The following PPP1R9A variants were observed in gnomAD, a reference collection of about 807,000 sequenced individuals.
PPP1R9A encodes protein phosphatase 1 regulatory subunit 9A.
In PPP1R9A, 59 loss-of-function variants were observed where a neutral mutation model predicts 141.9. That is an observed-to-expected ratio of 0.42 (90% CI 0.34 to 0.52). The LOEUF (loss-of-function observed/expected upper bound fraction) is 0.52. Ranked by LOEUF, PPP1R9A falls within the 20% of genes least tolerant of loss-of-function variation. The pLI, the probability that PPP1R9A is intolerant of heterozygous loss-of-function variation, is 0.10. For synonymous variants in PPP1R9A, 500 were observed against 569.7 expected, an observed-to-expected ratio of 0.88 and a Z score of 1.74; for missense variants, 1,444 against 1,611.9, an observed-to-expected ratio of 0.90 and a Z score of 1.78.
At chr7:94,939,775 T>G (rs1452996217) in intron 2 of PPP1R9A, among the ~76,000 whole-genome samples, 1 of 146,140 alleles carries the variant, frequency 6.8e-6, no homozygotes, top group African/African-American at 2.5e-5. Context: ...ATTATATATA[T>G]ATATATATGT....
chr7:95,081,030 A>C (rs1276339611), intron 2 of PPP1R9A, among the ~76,000 whole-genome samples: 2 of 152,220 alleles, frequency 1.3e-5, no homozygotes, highest in Non-Finnish European at 2.9e-5. Flanking sequence ...GAAAAAGCTC[A>C]AAGACAAAGA....
chr7:94,984,250 T>G (rs533547416), intron 2 of PPP1R9A, among the ~76,000 whole-genome samples: 1 of 152,328 alleles, frequency 6.6e-6, no homozygotes, highest in East Asian at 1.9e-4. Context: ...TTATTGAGGA[T>G]TTTTGCATCA....
chr7:95,274,935 G>A (rs907764446), intron 16 of PPP1R9A, among the ~76,000 whole-genome samples: 2 of 152,080 alleles, frequency 1.3e-5, no homozygotes, highest in African/African-American at 4.8e-5. Flanking sequence ...TTTACATAAG[G>A]TCAGTGTAAG....
intron 3 of PPP1R9A, among the ~76,000 whole-genome samples, chr7:95,117,229 T>A (rs1354661660): frequency 1.3e-5 from 2 of 151,910 alleles, no homozygotes; most frequent in Non-Finnish European, 2.9e-5. Flanking sequence ...GTGCTTTGCC[T>A]GTCCCTAGGA....
intron 2 of PPP1R9A, among the ~76,000 whole-genome samples, chr7:94,963,484 A>G (rs1414815035): frequency 6.6e-6 from 1 of 152,104 alleles, no homozygotes; most frequent in African/African-American, 2.4e-5. Flanking sequence ...GGCAGCTGCT[A>G]ATCATATGTT....
At chr7:95,033,757 A>G (rs982638276) in intron 2 of PPP1R9A, among the ~76,000 whole-genome samples, 1 of 152,012 alleles carries the variant, frequency 6.6e-6, no homozygotes, top group Admixed American at 6.6e-5. Flanking sequence ...CAATATTGTC[A>G]TTGAAAAGTC....
chr7:95,247,791 A>G (rs929504863), intron 9 of PPP1R9A, among the ~76,000 whole-genome samples: 4 of 152,180 alleles, frequency 2.6e-5, no homozygotes, highest in East Asian at 1.9e-4. Flanking sequence ...TTAAAAAGTA[A>G]TATTTTTAAT....
At chr7:95,180,473 G>T (rs2152788707) in intron 5 of PPP1R9A, among the ~76,000 whole-genome samples, 1 of 151,636 alleles carries the variant, frequency 6.6e-6, no homozygotes, top group East Asian at 1.9e-4. Context: ...GCAGTTTTGG[G>T]TTTCATGACC....
intron 2 of PPP1R9A, among the ~76,000 whole-genome samples, chr7:94,996,196 T>G (rs761459219): frequency 2.6e-5 from 4 of 152,130 alleles, no homozygotes; most frequent in Non-Finnish European, 5.9e-5. Flanking sequence ...TAGACCTAAA[T>G]AGATAGCTGA....
chr7:95,084,478 A>G (rs773844668), intron 2 of PPP1R9A, among the ~76,000 whole-genome samples: 33 of 151,930 alleles, frequency 2.2e-4, no homozygotes, highest in Non-Finnish European at 4.7e-4. Context: ...TAAAATTTTA[A>G]TTTTTTTCAT....
chr7:94,975,363 T>G (rs1259605631), intron 2 of PPP1R9A, among the ~76,000 whole-genome samples: 15 of 147,972 alleles, frequency 1.0e-4, no homozygotes, highest in South Asian at 4.3e-4. Flanking sequence ...TTTGTTTTTT[T>G]TTTTTTTTTT....
chr7:95,162,335 A>G (rs1830579063), intron 5 of PPP1R9A, among the ~76,000 whole-genome samples: 1 of 152,158 alleles, frequency 6.6e-6, no homozygotes, highest in Non-Finnish European at 1.5e-5. Flanking sequence ...CATATATTCA[A>G]TTTTCTGTGT....
intron 5 of PPP1R9A, among the ~76,000 whole-genome samples, chr7:95,173,723 A>G (rs1016026845): frequency 2.6e-5 from 4 of 152,084 alleles, no homozygotes; most frequent in African/African-American, 7.2e-5. Context: ...CAAATCACTT[A>G]AAGAGACAGT....
In PPP1R9A at chr7:94,910,638, G is replaced by C. The variant is rs746363411; in HGVS notation, c.525G>C (p.Trp175Cys). ...KAGGSEPQDE[W>C]GGSKSNRGST... The stretch of plus-strand genomic sequence containing the variant: ...GAGGGAGTGAACCTCAGGATGAATG[G>C]GGAGGTTCCAAGTCCAACAGAGGCA... The change falls in exon 2 of 20, where the codon TGG becomes TGC. Residue 175 changes from tryptophan (W) to cysteine (C), a missense_variant. Around this residue, in one of 5 missense-constraint regions of PPP1R9A, gnomAD observed 490 missense variants for 521.1 expected, o/e 0.94. Transcript: ENST00000433360. The surrounding 1 kb of genome is among the most constrained non-coding windows in gnomAD (Gnocchi z 4.5). 6.2e-7 allele frequency: 1 copy of C among 1,614,130 alleles called. No homozygotes were observed. The highest frequency in any genetic ancestry group is 8.5e-7 in the Non-Finnish European group (1 of 1,180,020).
chr7:95,094,879 CAAAAAAAAAA>C (rs1166550834), intron 2 of PPP1R9A, among the ~76,000 whole-genome samples: 2 of 44,974 alleles, frequency 4.4e-5, no homozygotes, highest in African/African-American at 7.2e-5. Context: ...GACTGCGTCT[CAAAAAAAAAA>C]AAAAAAAAAA....
At chr7:95,207,466 C>T (rs780053086) in intron 7 of PPP1R9A, among the ~76,000 whole-genome samples, 1 of 152,048 alleles carries the variant, frequency 6.6e-6, no homozygotes, top group East Asian at 1.9e-4. Context: ...ACTTATAGGT[C>T]CATCCCATTC....
intron 12 of PPP1R9A, among the ~76,000 whole-genome samples, chr7:95,254,420 A>G (rs1372817881): frequency 6.6e-6 from 1 of 152,192 alleles, no homozygotes; most frequent in African/African-American, 2.4e-5. Flanking sequence ...TTTAGAAAGG[A>G]AAGTAAGGCT....
chr7:95,226,246 T>G, intron 8 of PPP1R9A, 130 bp downstream of exon 8: 1 of 904,882 alleles, frequency 1.1e-6, no homozygotes, highest in Non-Finnish European at 1.6e-6. Flanking sequence ...TTGTCTTGAG[T>G]CTCATTGAAT....
intron 2 of PPP1R9A, among the ~76,000 whole-genome samples, chr7:94,980,500 C>T (rs1013069953): frequency 2.6e-5 from 4 of 152,028 alleles, no homozygotes; most frequent in Admixed American, 1.3e-4. Context: ...CTCTGTCGCT[C>T]AGGCTAGAGT....
Sources: gnomAD v4.1 joint callset for allele counts (sites outside exome capture counted in the v4.1 genomes callset) on GRCh38, gnomAD v4.1.1 for gene constraint, gnomAD v4.1.1 regional missense constraint, Gnocchi (gnomAD v3.1) non-coding constraint, MANE v1.5 for transcripts, NCBI Gene and HGNC (gene_info 2026-07-23, HGNC 2026-07-21) for gene names.